Variants in MPHOSPH9 observed in about 807,000 individuals in gnomAD.
MPHOSPH9 encodes the protein M-phase phosphoprotein 9.
Under a neutral mutation model 145.5 loss-of-function variants are expected in MPHOSPH9, and 88 were observed. The observed-to-expected ratio is 0.60, with a 90% CI of 0.51 to 0.72. The LOEUF is 0.72. MPHOSPH9 is among the 30% of genes least tolerant of loss of function. The pLI is 0.00. For synonymous variants in MPHOSPH9, 435 were observed against 486.2 expected, an observed-to-expected ratio of 0.89 and a Z score of 1.39; for missense variants, 1,238 against 1,386.6, an observed-to-expected ratio of 0.89 and a Z score of 1.70.
intron 13 of MPHOSPH9, among the ~76,000 whole-genome samples, chr12:123,183,487 G>A (rs1467579556): frequency 7.4e-6 from 1 of 135,028 alleles, no homozygotes; most frequent in African/African-American, 2.6e-5. Context: ...GGCAGAGGTT[G>A]CAGTGAACCG....
At chr12:123,196,607 T>C (rs2138281154) in intron 12 of MPHOSPH9, among the ~76,000 whole-genome samples, 1 of 152,264 alleles carries the variant, frequency 6.6e-6, no homozygotes, top group South Asian at 2.1e-4. Context: ...AAATAAAATT[T>C]GGTAATGCGT....
In MPHOSPH9 at chr12:123,223,085, G is replaced by A. The variant is rs1357737573; in HGVS notation, c.301C>T (p.Gln101Ter). 2.7e-6 allele frequency: 4 copies of A among 1,490,512 alleles called. No individual in the cohort carries two copies. In the South Asian group the frequency reaches 5.2e-5, roughly 19 times the overall value. The allele number at this position is 1,490,512 out of a possible 1,614,324, so 92.3% of individuals were successfully genotyped here. The change falls in exon 4 of 24, where the codon CAA becomes TAA. Residue 101 changes from glutamine (Q) to a stop codon, truncating the protein, a stop_gained. Transcript: ENST00000606320. LOFTEE classifies it high-confidence loss of function. The stretch of plus-strand genomic sequence containing the variant: ...TCCTGCTGGGCAACTATCTGTTCTT[G>A]GCATTGTTTTTCCACCAAATTGAAT... Reference protein sequence around the residue: ...QLFNLVEKQCQEQIVAQQEQF... With the variant: ...QLFNLVEKQC
chr12:123,185,405 AG>A (rs2045399454), intron 13 of MPHOSPH9, among the ~76,000 whole-genome samples: 1 of 152,126 alleles, frequency 6.6e-6, no homozygotes, highest in African/African-American at 2.4e-5. Context: ...TTCCAGAAAG[AG>A]AAAAAAAGAA....
intron 8 of MPHOSPH9, among the ~76,000 whole-genome samples, chr12:123,207,475 T>C (rs1331207587): frequency 6.6e-6 from 1 of 152,206 alleles, no homozygotes; most frequent in African/African-American, 2.4e-5. Context: ...TGTCTGTCTG[T>C]ATATGTCATT....
chr12:123,216,900 A>C (rs767521372), intron 6 of MPHOSPH9, among the ~76,000 whole-genome samples: 1 of 151,906 alleles, frequency 6.6e-6, no homozygotes, highest in Non-Finnish European at 1.5e-5. Context: ...GAGGCAGGAG[A>C]ATCGCTTGAA....
upstream of MPHOSPH9, among the ~76,000 whole-genome samples, chr12:123,238,020 C>T (rs538081698): frequency 1.3e-5 from 2 of 152,120 alleles, no homozygotes; most frequent in African/African-American, 2.4e-5. Flanking sequence ...TGCAGCCTCC[C>T]GAGTAGCCGG....
intron 6 of MPHOSPH9, among the ~76,000 whole-genome samples, chr12:123,215,461 G>A: frequency 6.6e-6 from 1 of 152,060 alleles, no homozygotes; most frequent in Admixed American, 6.6e-5. Flanking sequence ...CAAATTTGAA[G>A]TGCCTAGAAT....
At chr12:123,162,903 C>T in intron 20 of MPHOSPH9, 111 bp downstream of exon 20, 1 of 1,033,764 alleles carries the variant, frequency 9.7e-7, no homozygotes, top group Non-Finnish European at 1.3e-6. Context: ...ATGAAATTCA[C>T]AGAGTTCCCA....
rs1360037899 is a variant in MPHOSPH9, at chr12:123,159,568, T to C, written c.3450+1213A>G. On this transcript the variant is annotated intron_variant, in intron 23 of 23. Coordinates refer to ENST00000606320, the MANE Select transcript of MPHOSPH9 (RefSeq NM_022782.4). The surrounding 1 kb of genome is among the most constrained non-coding windows in gnomAD (Gnocchi z 4.3). Reference sequence around the variant, plus strand: ...CATACACGGCAGGTAGGAGTAGAAATTGTCTCAAACATCCTGGGTTACAAC... The same window carrying C: ...CATACACGGCAGGTAGGAGTAGAAACTGTCTCAAACATCCTGGGTTACAAC... The C allele has an allele frequency of 2.6e-5, 4 of 152,230 alleles. No homozygotes were observed. Among genetic ancestry groups the C allele is most frequent in the African/African-American group, 4.8e-5 (2 of 41,536 alleles). The allele number at this position is 152,230 out of a possible 1,614,324, so 9.4% of individuals were successfully genotyped here. A position where few individuals can be genotyped will look rare whatever the true frequency, so the allele number is the denominator to read the frequency against.
chr12:123,197,799 A>T (rs1275950971), intron 12 of MPHOSPH9, among the ~76,000 whole-genome samples: 1 of 143,966 alleles, frequency 6.9e-6, no homozygotes, highest in Non-Finnish European at 1.5e-5. Flanking sequence ...AGAAAAAAAA[A>T]AAAAAAGGGT....
chr12:123,229,717 G>C (rs1593253897), intron 2 of MPHOSPH9, among the ~76,000 whole-genome samples: 2 of 151,992 alleles, frequency 1.3e-5, no homozygotes, highest in Non-Finnish European at 2.9e-5. Context: ...AGCAAAACAA[G>C]TTCTTTTTCA....
intron 23 of MPHOSPH9, among the ~76,000 whole-genome samples, chr12:123,158,481 T>C (rs2043963305): frequency 6.6e-6 from 1 of 152,160 alleles, no homozygotes; most frequent in African/African-American, 2.4e-5. Context: ...GGTGCATGCC[T>C]GTAGTCCTAG....
rs866771855 is a variant in MPHOSPH9 at position 123,193,106 on chromosome 12, T to C, written c.2241+1280A>G. 3.2e-3 allele frequency among the ~76,000 whole-genome samples: 314 copies of C among 97,192 alleles called. 9 individuals carry two copies. The highest frequency in any genetic ancestry group is 0.013 in the African/African-American group (294 of 22,062). 63.8% of individuals were successfully genotyped at this position (97,192 alleles called of 152,430 possible). On this transcript the variant is annotated intron_variant, in intron 13 of 23. Coordinates refer to ENST00000606320, the MANE Select transcript of MPHOSPH9 (RefSeq NM_022782.4). ...AAAAAAAAAAAAAAAAATATATATA[T>C]ATACACACACACACACACACACACA...
At position 123,218,582 on chromosome 12, in the gene MPHOSPH9, G is replaced by A. The variant is rs7299155; in HGVS notation, c.873-83C>T. On this transcript the variant is annotated intron_variant, in intron 5 of 23. Transcript: ENST00000606320. ...GCTGTGTCGCCCAGGCTGGAGTACGGTGGCGCAATCTCAGTTCACTGCAAC... is the reference window on the plus strand; with the variant it reads ...GCTGTGTCGCCCAGGCTGGAGTACGATGGCGCAATCTCAGTTCACTGCAAC... 8.3e-3 allele frequency: 11,354 copies of A among 1,369,546 alleles called. 672 individuals are homozygous for A. In the African/African-American group the frequency reaches 0.14, roughly 17 times the overall value. 84.8% of individuals were successfully genotyped at this position (1,369,546 alleles called of 1,614,324 possible). A position where few individuals can be genotyped will look rare whatever the true frequency, so the allele number is the denominator to read the frequency against.
intron 7 of MPHOSPH9, 93 bp downstream of exon 7, chr12:123,214,651 T>C (rs950394449): frequency 1.3e-6 from 1 of 767,644 alleles, no homozygotes; most frequent in East Asian, 3.3e-5. Context: ...TGTAGGCAAG[T>C]TGTTTTTTAA....
intron 13 of MPHOSPH9, among the ~76,000 whole-genome samples, chr12:123,185,678 G>A (rs2045411516): frequency 6.6e-6 from 1 of 152,192 alleles, no homozygotes; most frequent in African/African-American, 2.4e-5. Context: ...CCTGGAGGTT[G>A]AGGCTGCAGT....
intron 13 of MPHOSPH9, among the ~76,000 whole-genome samples, chr12:123,187,421 G>A (rs2045493509): frequency 6.6e-6 from 1 of 151,954 alleles, no homozygotes; most frequent in Non-Finnish European, 1.5e-5. Context: ...TGTATGGGAA[G>A]AATCAATATT....
At chr12:123,227,412 TG>T in intron 3 of MPHOSPH9, 50 bp downstream of exon 3, 1 of 1,283,100 alleles carries the variant, frequency 7.8e-7, no homozygotes, top group Non-Finnish European at 1.0e-6. Flanking sequence ...AGTAGAGGTA[TG>T]TTTTAACATA....
intron 13 of MPHOSPH9, among the ~76,000 whole-genome samples, chr12:123,187,854 C>T (rs1341400687): frequency 2.6e-5 from 4 of 152,080 alleles, no homozygotes; most frequent in Admixed American, 2.0e-4. Flanking sequence ...GGCTGGGCGC[C>T]GTGGCTCGCA....
Sources: allele counts gnomAD v4.1 joint callset (sites outside exome capture counted in the v4.1 genomes callset), GRCh38; gene constraint gnomAD v4.1.1; non-coding constraint Gnocchi (gnomAD v3.1); transcripts MANE v1.5; gene names NCBI Gene and HGNC (gene_info 2026-07-23, HGNC 2026-07-21).